The following ZDHHC13 variants were observed in gnomAD, a reference collection of about 807,000 sequenced individuals.
The protein encoded by ZDHHC13 is zDHHC palmitoyltransferase 13, also known as palmitoyltransferase ZDHHC13.
A neutral mutation model predicts 86.0 loss-of-function variants in ZDHHC13; 85 were observed. The ratio of observed to expected loss-of-function variants is 0.99; its 90% CI spans 0.83 to 1.18. The LOEUF is 1.18. ZDHHC13 is among the 50% of genes most tolerant of loss of function. The probability of loss-of-function intolerance (pLI) is 0.00; values close to 1 mark genes in which losing one functional copy is unlikely to be tolerated. For missense variants in ZDHHC13, 711 were observed against 730.2 expected (o/e 0.97, Z 0.30); for synonymous variants, 263 against 246.4 (o/e 1.07, Z -0.63).
At chr11:19,173,310 G>A (rs1244636027) in intron 16 of ZDHHC13, among the ~76,000 whole-genome samples, 5 of 152,146 alleles carry the variant, frequency 3.3e-5, no homozygotes, top group African/African-American at 1.2e-4. Flanking sequence ...TTCAGATTTG[G>A]ATTTGTTCCC....
intron 3 of ZDHHC13, 125 bp from the exon 4 acceptor site, chr11:19,147,471 T>C: frequency 2.6e-6 from 2 of 758,246 alleles, no homozygotes; most frequent in African/African-American, 1.7e-5. Context: ...CTGGGTGTTT[T>C]AGGGATTATT....
rs1162134215 is a variant in ZDHHC13, at chr11:19,152,692, C to G, written c.873+8C>G. 1 of 1,612,714 alleles carries G rather than the reference C, an allele frequency of 6.2e-7. No homozygotes were observed. Among genetic ancestry groups the G allele is most frequent in the Admixed American group, 1.7e-5 (1 of 59,998 alleles). ...TGGCTGCAGAAATGCGAGGTATTTT[C>G]ATATGGGGTCTTTTCTATGGGATAG... On this transcript the variant is annotated splice_region_variant and intron_variant, in intron 8 of 16. Coordinates refer to ENST00000446113, the MANE Select transcript of ZDHHC13 (RefSeq NM_019028.3).
chr11:19,140,807 A>C (rs1849294980), intron 1 of ZDHHC13, among the ~76,000 whole-genome samples: 1 of 151,718 alleles, frequency 6.6e-6, no homozygotes, highest in African/African-American at 2.4e-5. Flanking sequence ...TCAGTAAACT[A>C]TTGCAAGAAC....
At chr11:19,174,096 A>G (rs569413867) in intron 16 of ZDHHC13, among the ~76,000 whole-genome samples, 222 of 152,340 alleles carry the variant, frequency 1.5e-3, no homozygotes, top group Admixed American at 2.3e-3. Context: ...AACTGCAGAT[A>G]GTACTGAACT....
chr11:19,117,357 G>A lies in ZDHHC13; in HGVS notation c.27+81G>A. 7.4e-7 allele frequency: 1 copy of A among 1,353,870 alleles called. No individual in the cohort carries two copies. The highest frequency in any genetic ancestry group is 9.6e-7 in the Non-Finnish European group (1 of 1,041,384). 83.9% of individuals were successfully genotyped at this position (1,353,870 alleles called of 1,614,324 possible). A position where few individuals can be genotyped will look rare whatever the true frequency, so the allele number is the denominator to read the frequency against. On this transcript the variant is annotated intron_variant, in intron 1 of 16. Transcript: ENST00000446113. This position sits in a 1 kb window ranked among gnomAD's most constrained non-coding sequence, Gnocchi z 4.2. The stretch of plus-strand genomic sequence containing the variant: ...GGAGGAAAGGATGGTGTGGGTGAGA[G>A]GCCGCTCGATGAGGGGGTTTCGGGA...
At chr11:19,164,975 G>T in intron 12 of ZDHHC13, 77 bp from the exon 13 acceptor site, 1 of 1,292,396 alleles carries the variant, frequency 7.7e-7, no homozygotes, top group Non-Finnish European at 1.1e-6. Context: ...GTGACCTAAA[G>T]TTAAAATTTT....
chr11:19,167,442 G>A (rs1850102080), intron 14 of ZDHHC13: 2 of 152,116 alleles, frequency 1.3e-5, no homozygotes, highest in South Asian at 4.2e-4. Flanking sequence ...GCAATTCTTT[G>A]TACACTTGCC....
At chr11:19,125,334 A>G (rs561757690) in intron 1 of ZDHHC13, among the ~76,000 whole-genome samples, 44 of 152,332 alleles carry the variant, frequency 2.9e-4, no homozygotes, top group Non-Finnish European at 6.2e-4. Flanking sequence ...CAGACACTTC[A>G]CCAGAGAAGA....
chr11:19,154,493 T>G (rs998145869), intron 8 of ZDHHC13, among the ~76,000 whole-genome samples: 3 of 151,998 alleles, frequency 2.0e-5, no homozygotes, highest in African/African-American at 7.3e-5. Flanking sequence ...CGTAGAGAGG[T>G]GAAAATGGAG....
intron 1 of ZDHHC13, among the ~76,000 whole-genome samples, chr11:19,136,334 T>C (rs1240653135): frequency 6.6e-6 from 1 of 151,846 alleles, no homozygotes; most frequent in Non-Finnish European, 1.5e-5. Context: ...TGATGGAAGA[T>C]GAAGTGAATG....
chr11:19,142,810 C>T (rs1849358042), intron 1 of ZDHHC13, among the ~76,000 whole-genome samples, 168 bp from the exon 2 acceptor site: 2 of 151,794 alleles, frequency 1.3e-5, no homozygotes, highest in African/African-American at 4.8e-5. Context: ...TCTCAGCTTA[C>T]TACAACCTCC....
intron 15 of ZDHHC13, 99 bp downstream of exon 15, chr11:19,170,667 T>C: frequency 8.5e-7 from 1 of 1,175,622 alleles, no homozygotes; most frequent in Non-Finnish European, 1.2e-6. Context: ...ATTCTGTTTT[T>C]ACCTCTGTCA....
chr11:19,138,195 A>G lies in ZDHHC13; in HGVS notation c.28-4783A>G, dbSNP rs1319173769. ...ACTAATAAAGAAAAAAAGAGAGAAG[A>G]ATCAAATAGATGCAATAAAAAATGA... On this transcript the variant is annotated intron_variant, in intron 1 of 16. Transcript: ENST00000446113. Among the ~76,000 whole-genome samples the G allele has an allele frequency of 8.0e-3, 1,210 of 150,666 alleles. 11 individuals carry two copies. The highest frequency in any genetic ancestry group is 0.028 in the African/African-American group (1,139 of 41,158).
intron 1 of ZDHHC13, among the ~76,000 whole-genome samples, chr11:19,129,917 C>G (rs1041781206): frequency 2.6e-5 from 4 of 152,034 alleles, no homozygotes; most frequent in African/African-American, 9.7e-5. Flanking sequence ...ACGGTGAAAC[C>G]CTGTCTCTAC....
At chr11:19,171,556 C>T (rs141056934) in intron 15 of ZDHHC13, among the ~76,000 whole-genome samples, 341 of 152,236 alleles carry the variant, frequency 2.2e-3, no homozygotes, top group African/African-American at 7.9e-3. Flanking sequence ...CCGAACATTC[C>T]TCTCACTCTC....
chr11:19,128,692 C>G (rs995037308), intron 1 of ZDHHC13, among the ~76,000 whole-genome samples: 4 of 151,964 alleles, frequency 2.6e-5, no homozygotes, highest in African/African-American at 9.7e-5. Flanking sequence ...GTGTATTCAT[C>G]CTTAGAGAAT....
chr11:19,145,157 T>C (rs1250701073), intron 2 of ZDHHC13, among the ~76,000 whole-genome samples: 3 of 152,324 alleles, frequency 2.0e-5, no homozygotes, highest in Middle Eastern at 3.4e-3. Flanking sequence ...TTATTCTCTA[T>C]GAAATATGTC....
chr11:19,149,223 G>T lies in ZDHHC13; in HGVS notation c.411G>T (p.Gln137His), dbSNP rs1185212741. ...TACCTATGGTCATATTATTACTCCAGCATGGTGCAGACCCCACTCTTATTG... is the reference window on the plus strand; with the variant it reads ...TACCTATGGTCATATTATTACTCCATCATGGTGCAGACCCCACTCTTATTG... ...GHLPMVILLL[Q>H]HGADPTLIDG... The change falls in exon 5 of 17, where the codon CAG becomes CAT. Residue 137 changes from glutamine (Q) to histidine (H), a missense_variant. Transcript: ENST00000446113. The T allele has an allele frequency of 6.2e-7, 1 of 1,601,472 alleles. No homozygotes were observed. The highest frequency in any genetic ancestry group is 1.3e-5 in the African/African-American group (1 of 74,834).
At position 19,166,359 on chromosome 11, in the gene ZDHHC13, G is replaced by A. The variant is rs765684637; in HGVS notation, c.1448G>A (p.Gly483Asp). ...FFLFFLSMVC[G>D]WIIYGSFIYL... ...TTGTTTTTCCTTTCCATGGTATGTG[G>A]CTGGATTATATATGGATCTTTCATC... The change falls in exon 14 of 17, where the codon GGC (glycine) becomes GAC (aspartate). Residue 483 changes from glycine (G) to aspartate (D), a missense_variant. Coordinates refer to ENST00000446113, the MANE Select transcript of ZDHHC13 (RefSeq NM_019028.3). The A allele has an allele frequency of 6.2e-7, 1 of 1,612,296 alleles. No homozygotes were observed. The highest frequency in any genetic ancestry group is 2.2e-5 in the East Asian group (1 of 44,774).
Sources: gnomAD v4.1 joint callset for allele counts (sites outside exome capture counted in the v4.1 genomes callset) on GRCh38, gnomAD v4.1.1 for gene constraint, Gnocchi (gnomAD v3.1) non-coding constraint, MANE v1.5 for transcripts, NCBI Gene and HGNC (gene_info 2026-07-23, HGNC 2026-07-21) for gene names.